LGR6: variants seen among roughly 807,000 people sequenced by gnomAD.
LGR6 encodes leucine-rich repeat-containing G protein-coupled receptor 6.
LGR6 carries 45 observed loss-of-function variants against 69.4 expected under a neutral mutation model. That is an observed-to-expected ratio of 0.65 (90% CI 0.51 to 0.83). The LOEUF (loss-of-function observed/expected upper bound fraction) is 0.83, where lower values mean the gene tolerates loss of function less well. Among genes scored for constraint, LGR6 ranks in the 40% least tolerant of loss-of-function variants. The pLI is 0.00. For missense variants in LGR6, 1,108 were observed against 1,246.7 expected (o/e 0.89, Z 1.68); for synonymous variants, 538 against 555.0 (o/e 0.97, Z 0.43).
At chr1:202,312,579 C>A (rs1455255702) in intron 16 of LGR6, among the ~76,000 whole-genome samples, 2 of 152,168 alleles carry the variant, frequency 1.3e-5, no homozygotes, top group African/African-American at 4.8e-5. Context: ...AAAGATGGAA[C>A]AAGTGCAACA....
intron 5 of LGR6, among the ~76,000 whole-genome samples, chr1:202,277,947 A>G (rs1227270140): frequency 6.6e-6 from 1 of 151,746 alleles, no homozygotes; most frequent in Non-Finnish European, 1.5e-5. Flanking sequence ...AGGGGAGAGT[A>G]AGCGTGTTTG....
At chr1:202,284,580 G>A (rs1467080377) in intron 6 of LGR6, among the ~76,000 whole-genome samples, 1 of 152,186 alleles carries the variant, frequency 6.6e-6, no homozygotes, top group Non-Finnish European at 1.5e-5. Flanking sequence ...AGATAAGAGA[G>A]CATGGTGAAG....
intron 4 of LGR6, among the ~76,000 whole-genome samples, chr1:202,239,187 G>T (rs563717823): frequency 5.6e-4 from 86 of 152,254 alleles, no homozygotes; most frequent in Middle Eastern, 6.8e-3. Context: ...TCTTGCTGGC[G>T]TACGCAAGTA....
chr1:202,287,581 A>ATAT (rs1169261883), intron 6 of LGR6, among the ~76,000 whole-genome samples: 1 of 152,220 alleles, frequency 6.6e-6, no homozygotes, highest in Non-Finnish European at 1.5e-5. Context: ...AAATATCCAG[A>ATAT]CTTCCAGACT....
chr1:202,242,357 T>A (rs1025104005), intron 4 of LGR6, among the ~76,000 whole-genome samples: 2 of 152,082 alleles, frequency 1.3e-5, no homozygotes, highest in Non-Finnish European at 1.5e-5. Context: ...CTATAATCTT[T>A]AGGATCCAGA....
chr1:202,247,929 CCCT>C (rs1413075439), intron 4 of LGR6, among the ~76,000 whole-genome samples: 1 of 152,184 alleles, frequency 6.6e-6, no homozygotes. Flanking sequence ...TTTGCCTGCC[CCCT>C]CCTCCTCCCC....
intron 4 of LGR6, among the ~76,000 whole-genome samples, chr1:202,271,135 G>A (rs1306218449): frequency 6.6e-6 from 1 of 152,170 alleles, no homozygotes; most frequent in African/African-American, 2.4e-5. Flanking sequence ...TGGTATAATT[G>A]CTCTCTTCAG....
intron 6 of LGR6, among the ~76,000 whole-genome samples, chr1:202,294,726 A>G (rs2148233105): frequency 6.6e-6 from 1 of 152,332 alleles, no homozygotes; most frequent in Non-Finnish European, 1.5e-5. Flanking sequence ...CTGTTGGACC[A>G]TGCCAGTCAC....
At chr1:202,258,090 T>C (rs1179178351) in intron 4 of LGR6, among the ~76,000 whole-genome samples, 1 of 152,102 alleles carries the variant, frequency 6.6e-6, no homozygotes, top group Admixed American at 6.5e-5. Context: ...TGGAATTGTT[T>C]TCTTAATTTC....
chr1:202,308,232 G>A (rs1224982412), intron 14 of LGR6, among the ~76,000 whole-genome samples: 1 of 152,168 alleles, frequency 6.6e-6, no homozygotes, highest in African/African-American at 2.4e-5. Flanking sequence ...TCAGGCTGGG[G>A]CCGTGGCTTT....
In LGR6 at chr1:202,233,619, C is replaced by T. The variant is rs12060619; in HGVS notation, c.357-2303C>T. 1.4e-4 allele frequency among the ~76,000 whole-genome samples: 22 copies of T among 152,236 alleles called. No individual in the cohort carries two copies. The East Asian group carries it at 4.3e-3, about 29-fold the overall frequency. ...GAGTGAGGCTTTATGCACCTTCTGG[C>T]AGCCTCTTCCTTTGAAAGATGAAGG... On this transcript the variant is annotated intron_variant, in intron 3 of 17. Coordinates refer to ENST00000367278, the MANE Select transcript of LGR6 (RefSeq NM_001017403.2).
chr1:202,205,082 C>T (rs796462262), intron 1 of LGR6, among the ~76,000 whole-genome samples: 14 of 19,156 alleles, frequency 7.3e-4, no homozygotes, highest in South Asian at 1.7e-3. Flanking sequence ...CACACCTCCT[C>T]CACACACACA....
At chr1:202,307,243 G>A in intron 13 of LGR6, 87 bp from the exon 14 acceptor site, 1 of 1,286,520 alleles carries the variant, frequency 7.8e-7, no homozygotes, top group Non-Finnish European at 1.1e-6. Context: ...CAGGTCAGAT[G>A]GGGGTATGTG....
At chr1:202,231,866 G>T (rs371350435) in intron 3 of LGR6, among the ~76,000 whole-genome samples, 2 of 152,212 alleles carry the variant, frequency 1.3e-5, no homozygotes, top group African/African-American at 2.4e-5. Context: ...GCCAAGGCAG[G>T]TGGATAACCT....
intron 5 of LGR6, 145 bp downstream of exon 5, chr1:202,276,666 G>A (rs760156200): frequency 1.5e-6 from 1 of 664,692 alleles, no homozygotes. Flanking sequence ...GGAAAAGCAT[G>A]AGGATGACCA....
At chr1:202,270,932 A>G (rs1665045230) in intron 4 of LGR6, among the ~76,000 whole-genome samples, 1 of 152,130 alleles carries the variant, frequency 6.6e-6, no homozygotes, top group African/African-American at 2.4e-5. Flanking sequence ...GAGTATGAGA[A>G]GCAGTTTGGC....
chr1:202,250,930 C>G (rs959160975), intron 4 of LGR6, among the ~76,000 whole-genome samples: 2 of 152,166 alleles, frequency 1.3e-5, no homozygotes, highest in Non-Finnish European at 1.5e-5. Flanking sequence ...TGCCATAACT[C>G]CCTGGTTCCC....
intron 4 of LGR6, among the ~76,000 whole-genome samples, chr1:202,253,896 C>T (rs1170607657): frequency 6.9e-6 from 1 of 145,238 alleles, no homozygotes; most frequent in Non-Finnish European, 1.5e-5. Context: ...AGCTCCGCCT[C>T]CCGGGTTCAC....
chr1:202,313,895 G>A (rs1295762148), intron 16 of LGR6, among the ~76,000 whole-genome samples: 1 of 152,080 alleles, frequency 6.6e-6, no homozygotes, highest in Non-Finnish European at 1.5e-5. Flanking sequence ...TTAGTTGATG[G>A]CACTCATTGT....
Sources: gnomAD v4.1 joint callset for allele counts (sites outside exome capture counted in the v4.1 genomes callset) on GRCh38, gnomAD v4.1.1 for gene constraint, MANE v1.5 for transcripts, NCBI Gene and HGNC (gene_info 2026-07-23, HGNC 2026-07-21) for gene names.